The following SCMH1 variants were observed in gnomAD, a reference collection of about 807,000 sequenced individuals.
SCMH1 encodes the protein Scm polycomb group protein homolog 1, also known as polycomb protein SCMH1.
In SCMH1, 37 loss-of-function variants were observed where a neutral mutation model predicts 70.8. The observed-to-expected ratio is 0.52, with a 90% confidence interval of 0.40 to 0.69. The LOEUF is 0.69. Ranked by LOEUF, SCMH1 falls within the 30% of genes least tolerant of loss-of-function variation. SCMH1 has a pLI of 0.00. For synonymous variants in SCMH1, 292 were observed against 307.4 expected (o/e 0.95, Z 0.52); for missense variants, 607 against 827.3 (o/e 0.73, Z 3.27).
intron 8 of SCMH1, among the ~76,000 whole-genome samples, chr1:41,084,491 G>C (rs1291093817): frequency 6.6e-6 from 1 of 152,194 alleles, no homozygotes; most frequent in Non-Finnish European, 1.5e-5. Flanking sequence ...GTGCTGGGGA[G>C]GATGTGGAGA....
At chr1:41,075,385 C>G in exon 9 of SCMH1, 3 of 1,614,088 alleles carry the variant, frequency 1.9e-6, no homozygotes, top group Non-Finnish European at 1.7e-6. Flanking sequence ...AGTTTTGGTG[C>G]TGCTGTGGAT....
At chr1:41,181,143 A>C (rs1019949163) in intron 2 of SCMH1, among the ~76,000 whole-genome samples, 1 of 152,330 alleles carries the variant, frequency 6.6e-6, no homozygotes, top group Admixed American at 6.5e-5. Context: ...CTGGCTAGCC[A>C]TATGTAGAAA....
At chr1:41,218,140 G>C (rs923140084) in intron 1 of SCMH1, among the ~76,000 whole-genome samples, 2 of 152,172 alleles carry the variant, frequency 1.3e-5, no homozygotes, top group Non-Finnish European at 2.9e-5. Flanking sequence ...TTTGGACTTA[G>C]AGTTGATGCT....
chr1:41,220,473 T>C (rs969502217), intron 1 of SCMH1, among the ~76,000 whole-genome samples: 4 of 152,232 alleles, frequency 2.6e-5, no homozygotes, highest in Non-Finnish European at 4.4e-5. Flanking sequence ...ATTTTCATGA[T>C]GGTGATTTTT....
At chr1:41,087,414 A>G (rs1370935467) in intron 8 of SCMH1, among the ~76,000 whole-genome samples, 1 of 152,078 alleles carries the variant, frequency 6.6e-6, no homozygotes, top group Non-Finnish European at 1.5e-5. Flanking sequence ...GATATATGTT[A>G]CAATAAAAGG....
At chr1:41,085,646 C>T (rs1310080573) in intron 8 of SCMH1, among the ~76,000 whole-genome samples, 1 of 152,088 alleles carries the variant, frequency 6.6e-6, no homozygotes, top group Admixed American at 6.6e-5. Context: ...ACATGTGGCT[C>T]CTGAGCACTT....
At chr1:41,046,501 A>G (rs774904829) in exon 12 of SCMH1, 18 of 1,614,202 alleles carry the variant, frequency 1.1e-5, no homozygotes, top group Non-Finnish European at 1.5e-5. Context: ...GATTGTCACT[A>G]CGAAGGTTGT....
intron 1 of SCMH1, among the ~76,000 whole-genome samples, chr1:41,225,546 T>C (rs1399757076): frequency 2.0e-5 from 3 of 152,168 alleles, no homozygotes; most frequent in African/African-American, 7.2e-5. Context: ...GAATGTAGTA[T>C]GTAGTTACCA....
chr1:41,186,704 T>C (rs1385569668), intron 1 of SCMH1, among the ~76,000 whole-genome samples: 1 of 152,142 alleles, frequency 6.6e-6, no homozygotes, highest in African/African-American at 2.4e-5. Flanking sequence ...GACCCTAATC[T>C]GATATAATTG....
intron 2 of SCMH1, among the ~76,000 whole-genome samples, chr1:41,181,301 G>T (rs1328622297): frequency 3.3e-5 from 5 of 152,160 alleles, no homozygotes; most frequent in Admixed American, 3.3e-4. Flanking sequence ...AGGACTTCAT[G>T]TCTAAAACAC....
intron 6 of SCMH1, among the ~76,000 whole-genome samples, chr1:41,136,255 A>G (rs1261136850): frequency 6.6e-6 from 1 of 151,696 alleles, no homozygotes; most frequent in Admixed American, 6.6e-5. Flanking sequence ...CATGTTTTCT[A>G]TATCTGTTTA....
At chr1:41,110,770 G>A (rs1296557009) in intron 8 of SCMH1, among the ~76,000 whole-genome samples, 1 of 152,162 alleles carries the variant, frequency 6.6e-6, no homozygotes, top group African/African-American at 2.4e-5. Flanking sequence ...GTGTTTTTGT[G>A]TGAACATATG....
chr1:41,075,486 C>T (rs373092487), intron 8 of SCMH1, 35 bp from the exon 9 acceptor site: 6 of 1,549,826 alleles, frequency 3.9e-6, no homozygotes, highest in Non-Finnish European at 4.5e-6. Flanking sequence ...CACCCTCCCT[C>T]CCCCCTGCAT....
chr1:41,108,191 T>C (rs938321174), intron 8 of SCMH1, among the ~76,000 whole-genome samples: 3 of 152,204 alleles, frequency 2.0e-5, no homozygotes, highest in Admixed American at 6.5e-5. Flanking sequence ...GATTAGCATG[T>C]AGACAGCAGA....
intron 1 of SCMH1, among the ~76,000 whole-genome samples, chr1:41,222,861 A>G (rs1396757773): frequency 6.6e-6 from 1 of 152,206 alleles, no homozygotes. Context: ...GAGATGAAGA[A>G]TCCCTGATTT....
intron 1 of SCMH1, among the ~76,000 whole-genome samples, chr1:41,239,761 G>A (rs1329790003): frequency 6.6e-6 from 1 of 152,162 alleles, no homozygotes; most frequent in Non-Finnish European, 1.5e-5. Flanking sequence ...CTCCTGAGTA[G>A]CTGAGACTAC....
chr1:41,165,034 T>A (rs1646321905), intron 2 of SCMH1, among the ~76,000 whole-genome samples: 1 of 152,068 alleles, frequency 6.6e-6, no homozygotes. Context: ...AATGTATCCC[T>A]TTTTTCTATA....
chr1:41,142,633 G>A (rs1644202995), intron 6 of SCMH1, among the ~76,000 whole-genome samples: 1 of 152,180 alleles, frequency 6.6e-6, no homozygotes, highest in Non-Finnish European at 1.5e-5. Flanking sequence ...CACTGGCCAA[G>A]AAGAACAAAG....
At chr1:41,234,769 C>T (rs1421997578) in intron 1 of SCMH1, among the ~76,000 whole-genome samples, 17 of 151,950 alleles carry the variant, frequency 1.1e-4, no homozygotes, top group Admixed American at 1.0e-3. Context: ...CCACCGCGCC[C>T]GGCAAAACTC....
Sources: allele counts gnomAD v4.1 joint callset (sites outside exome capture counted in the v4.1 genomes callset), GRCh38; gene constraint gnomAD v4.1.1; transcripts MANE v1.5; gene names NCBI Gene and HGNC (gene_info 2026-07-23, HGNC 2026-07-21).